The following CSMD3 variants were observed in gnomAD, a reference collection of about 807,000 sequenced individuals.
CSMD3 encodes the protein CUB and sushi domain-containing protein 3.
In CSMD3, 177 loss-of-function variants were observed where a neutral mutation model predicts 435.2. The ratio of observed to expected loss-of-function variants is 0.41; its 90% CI spans 0.36 to 0.46. CSMD3 has a LOEUF of 0.46. Ranked by LOEUF, CSMD3 falls within the 20% of genes least tolerant of loss-of-function variation. The probability of loss-of-function intolerance (pLI) is 0.34; values close to 1 mark genes in which losing one functional copy is unlikely to be tolerated. For missense variants in CSMD3, 4,265 were observed against 4,504.6 expected (o/e 0.95, Z 1.52); for synonymous variants, 1,656 against 1,520.5 (o/e 1.09, Z -2.07).
chr8:113,243,500 C>T (rs2093242200), intron 3 of CSMD3, among the ~76,000 whole-genome samples: 1 of 151,782 alleles, frequency 6.6e-6, no homozygotes. Flanking sequence ...ATTTTTAATC[C>T]AGTCATCAGT....
chr8:113,409,286 T>C lies in CSMD3; in HGVS notation c.178+27391A>G, dbSNP rs369994078. 1.2e-4 allele frequency among the ~76,000 whole-genome samples: 19 copies of C among 152,050 alleles called. No individual in the cohort carries two copies. The East Asian group carries it at 1.4e-3, about 11-fold the overall frequency. ...TTTTAGTAGAGACAGGGTTTCACCA[T>C]GTTGGTCAGGGTGGTCTCGAACTCC... On this transcript the variant is annotated intron_variant, in intron 1 of 70. Transcript: ENST00000297405.
chr8:113,107,958 A>T (rs1358500776), intron 4 of CSMD3, among the ~76,000 whole-genome samples: 1 of 152,206 alleles, frequency 6.6e-6, no homozygotes, highest in Non-Finnish European at 1.5e-5. Context: ...AAATAAATGA[A>T]TATAAGTATT....
At chr8:113,021,266 CT>C (rs2086674808) in intron 5 of CSMD3, among the ~76,000 whole-genome samples, 1 of 151,926 alleles carries the variant, frequency 6.6e-6, no homozygotes, top group Non-Finnish European at 1.5e-5. Flanking sequence ...TTAAAATTTG[CT>C]TTCATTACTT....
chr8:113,360,012 C>T (rs144249763), intron 1 of CSMD3, among the ~76,000 whole-genome samples: 9 of 152,240 alleles, frequency 5.9e-5, no homozygotes, highest in East Asian at 1.9e-4. Flanking sequence ...TTTACACACA[C>T]ATTGAGGAGA....
At chr8:112,757,366 ATG>A (rs1337202627) in intron 13 of CSMD3, among the ~76,000 whole-genome samples, 1 of 152,062 alleles carries the variant, frequency 6.6e-6, no homozygotes, top group East Asian at 1.9e-4. Context: ...ACGATGTTAT[ATG>A]TGCATATATA....
chr8:113,007,412 A>G (rs1252691631), intron 6 of CSMD3, among the ~76,000 whole-genome samples: 2 of 151,986 alleles, frequency 1.3e-5, no homozygotes, highest in African/African-American at 4.8e-5. Context: ...TTCTAAGAAG[A>G]GGAAATTTGG....
chr8:113,314,308 A>G (rs2093893038), intron 2 of CSMD3: 1 of 391,260 alleles, frequency 2.6e-6, no homozygotes, highest in Non-Finnish European at 4.6e-6. Flanking sequence ...TTTAAAAACA[A>G]AATACCTTTA....
At chr8:113,376,939 C>A (rs2094388015) in intron 1 of CSMD3, 3 of 1,375,796 alleles carry the variant, frequency 2.2e-6, no homozygotes, top group East Asian at 4.3e-5. Context: ...GGATGACGTG[C>A]GGGTTCAGGA....
At chr8:113,123,519 A>G in intron 4 of CSMD3, among the ~76,000 whole-genome samples, 1 of 152,040 alleles carries the variant, frequency 6.6e-6, no homozygotes. Context: ...TTTCACATGC[A>G]TTCTTATTAG....
At chr8:112,529,374 G>A (rs868507109) in intron 27 of CSMD3, among the ~76,000 whole-genome samples, 97 of 152,104 alleles carry the variant, frequency 6.4e-4, no homozygotes, top group African/African-American at 2.2e-3. Context: ...GAAAGGCCGA[G>A]TTCAGGAGTT....
At chr8:113,259,144 T>A (rs1027946368) in intron 3 of CSMD3, among the ~76,000 whole-genome samples, 3 of 152,200 alleles carry the variant, frequency 2.0e-5, no homozygotes, top group Non-Finnish European at 4.4e-5. Flanking sequence ...TGTCCTTATA[T>A]GTGCCTTTGG....
intron 23 of CSMD3, among the ~76,000 whole-genome samples, chr8:112,575,962 T>C (rs1829907285): frequency 6.6e-6 from 1 of 152,114 alleles, no homozygotes; most frequent in Non-Finnish European, 1.5e-5. Context: ...GTGGTAATAT[T>C]ATCAAGGTAT....
At chr8:112,679,243 G>A (rs1459326589) in intron 16 of CSMD3, among the ~76,000 whole-genome samples, 3 of 152,194 alleles carry the variant, frequency 2.0e-5, no homozygotes, top group African/African-American at 7.2e-5. Context: ...ACCTACCTGA[G>A]TTAGTTATAG....
At chr8:112,881,577 C>T (rs1439486979) in intron 10 of CSMD3, among the ~76,000 whole-genome samples, 1 of 151,944 alleles carries the variant, frequency 6.6e-6, no homozygotes, top group Non-Finnish European at 1.5e-5. Flanking sequence ...GAAACAGGTT[C>T]TTTTTAGGTA....
intron 59 of CSMD3, 33 bp downstream of exon 59, chr8:112,281,141 T>C: frequency 1.4e-6 from 2 of 1,477,482 alleles, no homozygotes; most frequent in Non-Finnish European, 1.9e-6. Context: ...TTTCATATAA[T>C]TACTGATTTT....
chr8:112,532,097 G>A (rs2131078116), intron 27 of CSMD3, among the ~76,000 whole-genome samples: 1 of 142,108 alleles, frequency 7.0e-6, no homozygotes, highest in African/African-American at 2.7e-5. Context: ...ATGCAAAAAT[G>A]CATTAGAGTG....
chr8:112,605,952 T>C (rs1563760737), intron 22 of CSMD3, among the ~76,000 whole-genome samples: 1 of 152,148 alleles, frequency 6.6e-6, no homozygotes, highest in Non-Finnish European at 1.5e-5. Flanking sequence ...AGCAGAGATA[T>C]GGCTCTGTAC....
intron 32 of CSMD3, among the ~76,000 whole-genome samples, chr8:112,463,501 T>C (rs1305658891): frequency 6.6e-6 from 1 of 152,214 alleles, no homozygotes; most frequent in Non-Finnish European, 1.5e-5. Flanking sequence ...GGCTCTGCTG[T>C]CTGCTGGCAA....
intron 7 of CSMD3, among the ~76,000 whole-genome samples, chr8:112,960,667 G>T (rs557157923): frequency 1.3e-5 from 2 of 151,662 alleles, no homozygotes; most frequent in African/African-American, 4.8e-5. Flanking sequence ...GTACAACTAA[G>T]TATTTTAAAA....
Sources: allele counts gnomAD v4.1 joint callset (sites outside exome capture counted in the v4.1 genomes callset), GRCh38; gene constraint gnomAD v4.1.1; transcripts MANE v1.5; gene names NCBI Gene and HGNC (gene_info 2026-07-23, HGNC 2026-07-21).